KIF26B: variants seen among roughly 807,000 people sequenced by gnomAD.
KIF26B encodes the protein kinesin family member 26B.
KIF26B carries 63 observed loss-of-function variants against 151.2 expected under a neutral mutation model. The observed-to-expected ratio is 0.42, with a 90% CI of 0.34 to 0.51. The LOEUF (loss-of-function observed/expected upper bound fraction) is 0.51. Ranked by LOEUF, KIF26B falls within the 20% of genes least tolerant of loss-of-function variation. The pLI is 0.07. For synonymous variants in KIF26B, 1,357 were observed against 1,262.1 expected, an observed-to-expected ratio of 1.08 and a Z score of -1.59; for missense variants, 2,813 against 2,913.6, an observed-to-expected ratio of 0.97 and a Z score of 0.79.
chr1:245,282,585 G>A (rs150041067), intron 2 of KIF26B, among the ~76,000 whole-genome samples: 1 of 152,202 alleles, frequency 6.6e-6, no homozygotes. Flanking sequence ...AGGGTGGGAG[G>A]GCCAGCTTTT....
At chr1:245,600,320 G>GA (rs1435368497) in intron 5 of KIF26B, among the ~76,000 whole-genome samples, 1 of 144,216 alleles carries the variant, frequency 6.9e-6, no homozygotes, top group Non-Finnish European at 1.5e-5. Context: ...TTACAGGCGT[G>GA]AGCCACCACG....
intron 2 of KIF26B, among the ~76,000 whole-genome samples, chr1:245,320,304 A>T (rs576987703): frequency 2.0e-5 from 3 of 152,302 alleles, no homozygotes; most frequent in Non-Finnish European, 2.9e-5. Context: ...TATTATTATT[A>T]TTTTTTAAAT....
At chr1:245,417,299 G>A (rs557347845) in intron 3 of KIF26B, among the ~76,000 whole-genome samples, 176 of 88,798 alleles carry the variant, frequency 2.0e-3, no homozygotes, top group African/African-American at 7.4e-3. Flanking sequence ...AGAAGGGGAA[G>A]ACTTTTTTTT....
chr1:245,323,521 C>T (rs1321872690), intron 2 of KIF26B, among the ~76,000 whole-genome samples: 1 of 152,180 alleles, frequency 6.6e-6, no homozygotes, highest in Non-Finnish European at 1.5e-5. Flanking sequence ...TGAGAAAGGT[C>T]TCTCTTGATG....
chr1:245,474,221 G>T (rs1373084633), intron 4 of KIF26B, among the ~76,000 whole-genome samples: 1 of 126,094 alleles, frequency 7.9e-6, no homozygotes, highest in Admixed American at 7.6e-5. Flanking sequence ...TCATTCTCCT[G>T]CCTCAGCCTC....
intron 1 of KIF26B, 64 bp from the exon 2 acceptor site, chr1:245,156,218 C>A: frequency 6.6e-7 from 1 of 1,514,966 alleles, no homozygotes; most frequent in South Asian, 1.3e-5. Flanking sequence ...CACGTATGAC[C>A]CAGCTCCTGG....
chr1:245,319,511 GT>G (rs34496402), intron 2 of KIF26B, among the ~76,000 whole-genome samples: 46,269 of 146,700 alleles, frequency 0.32, 9,589 homozygotes, highest in African/African-American at 0.59. Context: ...ACTACGCCAA[GT>G]TTTTTTTTTT....
intron 2 of KIF26B, among the ~76,000 whole-genome samples, chr1:245,285,788 G>T (rs550911882): frequency 6.6e-6 from 1 of 151,758 alleles, no homozygotes; most frequent in Admixed American, 6.6e-5. Flanking sequence ...TCTGCTCCAC[G>T]TGCAAGCAAC....
chr1:245,329,980 A>T (rs959811431), intron 2 of KIF26B, among the ~76,000 whole-genome samples: 5 of 151,894 alleles, frequency 3.3e-5, no homozygotes, highest in African/African-American at 1.2e-4. Context: ...TAATTGTGAA[A>T]TTTTTTGGTA....
intron 4 of KIF26B, among the ~76,000 whole-genome samples, chr1:245,496,117 T>G (rs982439008): frequency 6.6e-6 from 1 of 152,098 alleles, no homozygotes; most frequent in African/African-American, 2.4e-5. Context: ...CAGGAAGGAA[T>G]GAAAGCTGAC....
chr1:245,284,747 A>G (rs1671135030), intron 2 of KIF26B, among the ~76,000 whole-genome samples: 1 of 152,240 alleles, frequency 6.6e-6, no homozygotes, highest in Admixed American at 6.5e-5. Flanking sequence ...GTGATTTAAA[A>G]TAATAATTTG....
At chr1:245,657,719 TTCAC>T (rs1189180586) in intron 10 of KIF26B, among the ~76,000 whole-genome samples, 6 of 152,296 alleles carry the variant, frequency 3.9e-5, no homozygotes, top group Admixed American at 1.3e-4. Context: ...CGGCTGTTCA[TTCAC>T]TCACTCATTC....
intron 2 of KIF26B, among the ~76,000 whole-genome samples, chr1:245,303,392 G>A (rs1179609817): frequency 6.6e-6 from 1 of 150,746 alleles, no homozygotes; most frequent in East Asian, 1.9e-4. Context: ...TAGAGACGGG[G>A]TTTCACCGTG....
intron 5 of KIF26B, among the ~76,000 whole-genome samples, chr1:245,580,582 T>G (rs1305300432): frequency 6.6e-6 from 1 of 152,030 alleles, no homozygotes; most frequent in Non-Finnish European, 1.5e-5. Flanking sequence ...CGGACTCGCC[T>G]CCTCCCTCCA....
At chr1:245,513,881 T>C (rs1660891018) in intron 4 of KIF26B, among the ~76,000 whole-genome samples, 1 of 152,114 alleles carries the variant, frequency 6.6e-6, no homozygotes, top group Non-Finnish European at 1.5e-5. Context: ...CCCTGTAAAC[T>C]CCATTCCTCC....
intron 9 of KIF26B, among the ~76,000 whole-genome samples, chr1:245,643,524 A>T (rs1233460906): frequency 1.3e-5 from 2 of 152,206 alleles, no homozygotes; most frequent in African/African-American, 4.8e-5. Flanking sequence ...TGTTATTGCT[A>T]TCAAACATTT....
chr1:245,298,859 G>A (rs1030332070), intron 2 of KIF26B, among the ~76,000 whole-genome samples: 4 of 152,182 alleles, frequency 2.6e-5, no homozygotes, highest in East Asian at 1.9e-4. Flanking sequence ...GAGCTGTTTC[G>A]CTAGCATTCC....
At chr1:245,466,537 T>C (rs193224896) in intron 4 of KIF26B, among the ~76,000 whole-genome samples, 2 of 152,368 alleles carry the variant, frequency 1.3e-5, no homozygotes, top group African/African-American at 2.4e-5. Flanking sequence ...TCCTTTTTAC[T>C]TGTTCTTTTG....
intron 4 of KIF26B, among the ~76,000 whole-genome samples, chr1:245,532,248 C>CTTTTCT (rs374051918): frequency 0.01 from 1,261 of 121,430 alleles, 22 homozygotes; most frequent in African/African-American, 0.032. Context: ...CTTTTCTTTT[C>CTTTTCT]TTTTTTTTTT....
Sources: gnomAD v4.1 joint callset for allele counts (sites outside exome capture counted in the v4.1 genomes callset) on GRCh38, gnomAD v4.1.1 for gene constraint, MANE v1.5 for transcripts, NCBI Gene and HGNC (gene_info 2026-07-23, HGNC 2026-07-21) for gene names.